ARK2C: variants seen among roughly 807,000 people sequenced by gnomAD.
ARK2C encodes the protein E3 ubiquitin-protein ligase ARK2C.
chr18:46,447,721 G>A, the ARK2C span: 47 of 1,613,950 alleles, frequency 2.9e-5, no homozygotes, highest in African/African-American at 3.2e-4. Flanking sequence ...ACTCCCTTGC[G>A]CCTATTGAGT....
chr18:46,411,089 C>G, the ARK2C span, among the ~76,000 whole-genome samples: 1 of 152,140 alleles, frequency 6.6e-6, no homozygotes, highest in Non-Finnish European at 1.5e-5. Flanking sequence ...TTCAGGCACC[C>G]CTTAATGACA....
the ARK2C span, chr18:46,433,334 C>G: frequency 6.2e-7 from 1 of 1,612,468 alleles, no homozygotes; most frequent in Non-Finnish European, 8.5e-7. Flanking sequence ...GCCCACATGG[C>G]CCCGGCCCAC....
the ARK2C span, among the ~76,000 whole-genome samples, chr18:46,425,610 C>G: frequency 2.6e-5 from 4 of 152,164 alleles, no homozygotes; most frequent in African/African-American, 4.8e-5. Flanking sequence ...CCTGAAGAAG[C>G]CTTGCTGCCT....
At chr18:46,446,272 A>T in the ARK2C span, among the ~76,000 whole-genome samples, 1 of 152,214 alleles carries the variant, frequency 6.6e-6, no homozygotes, top group Admixed American at 6.5e-5. Context: ...TTCATTTATT[A>T]GCTGAAAAAC....
chr18:46,342,612 G>C, the ARK2C span, among the ~76,000 whole-genome samples: 9 of 152,356 alleles, frequency 5.9e-5, no homozygotes, highest in African/African-American at 2.2e-4. Context: ...TGGCTTGCTG[G>C]AGGAACTCCA....
At chr18:46,335,867 T>C in the ARK2C span, 1 of 983,918 alleles carries the variant, frequency 1.0e-6, no homozygotes, top group Non-Finnish European at 1.2e-6. Flanking sequence ...TATCAAATCT[T>C]TTTTTTTCTT....
chr18:46,437,235 A>G, the ARK2C span, among the ~76,000 whole-genome samples: 17 of 151,902 alleles, frequency 1.1e-4, no homozygotes, highest in Non-Finnish European at 1.9e-4. Context: ...CTTCCCAAGT[A>G]GGATGCTGAT....
the ARK2C span, among the ~76,000 whole-genome samples, chr18:46,434,665 G>A: frequency 6.6e-6 from 1 of 152,274 alleles, no homozygotes; most frequent in Admixed American, 6.5e-5. Flanking sequence ...AAGGATGCTC[G>A]GAGCACACTT....
the ARK2C span, among the ~76,000 whole-genome samples, chr18:46,407,973 G>C: frequency 1.3e-5 from 2 of 152,236 alleles, no homozygotes; most frequent in Non-Finnish European, 2.9e-5. Flanking sequence ...CTTCCTGGGG[G>C]AGGTGGCATA....
chr18:46,348,883 ACTCT>A, the ARK2C span, among the ~76,000 whole-genome samples: 1 of 136,862 alleles, frequency 7.3e-6, no homozygotes, highest in Non-Finnish European at 1.6e-5. Context: ...TGACCACAGA[ACTCT>A]CTCTCTCTCT....
the ARK2C span, chr18:46,457,038 A>G: frequency 1.2e-5 from 2 of 166,056 alleles, no homozygotes; most frequent in African/African-American, 4.8e-5. Context: ...GTCTCTAGCT[A>G]TTTCTGTGGA....
the ARK2C span, chr18:46,386,651 T>C: frequency 1.3e-5 from 2 of 152,134 alleles, no homozygotes; most frequent in Non-Finnish European, 2.9e-5. Context: ...ACCATGTAGA[T>C]AGCTATAGAG....
At chr18:46,446,670 C>CAAAAA in the ARK2C span, among the ~76,000 whole-genome samples, 29 of 34,320 alleles carry the variant, frequency 8.4e-4, no homozygotes, top group Admixed American at 1.8e-3. Context: ...GACTCCATCT[C>CAAAAA]AAAAAAAAAA....
the ARK2C span, among the ~76,000 whole-genome samples, chr18:46,436,187 G>C: frequency 6.6e-6 from 1 of 152,066 alleles, no homozygotes; most frequent in Non-Finnish European, 1.5e-5. Flanking sequence ...GAGGTAAAAG[G>C]CATCATGCCT....
At chr18:46,431,677 C>T in the ARK2C span, among the ~76,000 whole-genome samples, 2 of 152,178 alleles carry the variant, frequency 1.3e-5, no homozygotes, top group Admixed American at 1.3e-4. Flanking sequence ...TCTCCTGCCT[C>T]GGGTCAACCC....
chr18:46,422,310 A>C, the ARK2C span, among the ~76,000 whole-genome samples: 2 of 152,180 alleles, frequency 1.3e-5, no homozygotes, highest in African/African-American at 4.8e-5. Context: ...CCTGCCTCTG[A>C]ATGACTCACA....
chr18:46,390,609 T>A, the ARK2C span, among the ~76,000 whole-genome samples: 1 of 152,200 alleles, frequency 6.6e-6, no homozygotes, highest in African/African-American at 2.4e-5. Flanking sequence ...GTGATAGAAA[T>A]AAGCCGTTTT....
chr18:46,428,627 C>T, the ARK2C span, among the ~76,000 whole-genome samples: 19 of 152,186 alleles, frequency 1.2e-4, no homozygotes, highest in African/African-American at 4.6e-4. Context: ...TGGAATGAGG[C>T]TAGGGCGAAT....
chr18:46,374,788 C>A, the ARK2C span, among the ~76,000 whole-genome samples: 1 of 152,330 alleles, frequency 6.6e-6, no homozygotes, highest in East Asian at 1.9e-4. Flanking sequence ...AGAGACCCTA[C>A]ACCCCAAGCC....
Sources: allele counts gnomAD v4.1 joint callset (sites outside exome capture counted in the v4.1 genomes callset), GRCh38; gene constraint gnomAD v4.1.1; transcripts MANE v1.5; gene names NCBI Gene and HGNC (gene_info 2026-07-23, HGNC 2026-07-21).